Variants in USP46 observed in about 807,000 individuals in gnomAD.
USP46 encodes the protein ubiquitin specific peptidase 46.
In USP46, 12 loss-of-function variants were observed where a neutral mutation model predicts 44.4. The ratio of observed to expected loss-of-function variants is 0.27; its 90% confidence interval spans 0.17 to 0.44. USP46 has a LOEUF of 0.44. Among genes scored for constraint, USP46 ranks in the 20% least tolerant of loss-of-function variants. The pLI, the probability that USP46 is intolerant of heterozygous loss-of-function variation, is 1.00. For missense variants in USP46, 248 were observed against 444.8 expected (o/e 0.56, Z 3.98); for synonymous variants, 155 against 161.5 (o/e 0.96, Z 0.31).
chr4:52,592,875 C>G lies in USP46; in HGVS notation c.*4765G>C, dbSNP rs73248657. ...GAAAGAAAAGTGTGTAACCCCTCCC[C>G]CTTTGCTCTCTTCCTCTTGCTCCTG... On this transcript the variant is annotated 3_prime_UTR_variant, in exon 9 of 9. Transcript: ENST00000441222. 17 of 398,440 alleles carry G rather than the reference C, an allele frequency of 4.3e-5. No homozygotes were observed. In the East Asian group the frequency reaches 4.3e-4, roughly 10 times the overall value. The allele number at this position is 398,440 out of a possible 1,614,324, so 24.7% of individuals were successfully genotyped here.
At chr4:52,635,187 C>T (rs1718065125) in intron 1 of USP46, among the ~76,000 whole-genome samples, 2 of 151,754 alleles carry the variant, frequency 1.3e-5, no homozygotes, top group African/African-American at 4.8e-5. Context: ...AACCTCTAGT[C>T]CTCTACTTTC....
intron 1 of USP46, among the ~76,000 whole-genome samples, chr4:52,640,699 A>C (rs1577691467): frequency 6.6e-6 from 1 of 151,654 alleles, no homozygotes; most frequent in Non-Finnish European, 1.5e-5. Context: ...CCAGCTACTC[A>C]GGAGACTGAG....
intron 1 of USP46, among the ~76,000 whole-genome samples, chr4:52,653,375 G>A (rs538429763): frequency 6.9e-4 from 104 of 151,692 alleles, no homozygotes; most frequent in African/African-American, 2.5e-3. Flanking sequence ...CATGGTAGCA[G>A]GCAACTGTAA....
rs1553891309 is a variant in USP46, at chr4:52,632,990, A to AG, written c.37-1847_37-1846insC. ...AAAGAAAGAAAGAAAGAAAGAAAAG[A>AG]AAAGAAAGAAAGAAAGAAAGAAAGA... On this transcript the variant is annotated intron_variant, in intron 1 of 8. Coordinates refer to ENST00000441222, the MANE Select transcript of USP46 (RefSeq NM_022832.4). Among the ~76,000 whole-genome samples, 70 of 66,294 alleles carry AG rather than the reference A, an allele frequency of 1.1e-3. 2 individuals carry two copies. Among genetic ancestry groups the AG allele is most frequent in the Non-Finnish European group, 1.8e-3 (59 of 33,054 alleles). 43.5% of individuals were successfully genotyped at this position (66,294 alleles called of 152,430 possible).
chr4:52,599,280 G>A (rs1048942899), intron 7 of USP46, among the ~76,000 whole-genome samples: 5 of 152,044 alleles, frequency 3.3e-5, no homozygotes, highest in African/African-American at 4.8e-5. Context: ...GGGTCAGGGC[G>A]TGGAGAGAAG....
intron 6 of USP46, among the ~76,000 whole-genome samples, chr4:52,603,842 GC>G (rs927251089): frequency 2.0e-5 from 3 of 152,044 alleles, no homozygotes; most frequent in African/African-American, 7.2e-5. Flanking sequence ...CTGGCACCAT[GC>G]CCAGCTAATT....
chr4:52,624,615 C>T (rs1164429512), intron 4 of USP46, among the ~76,000 whole-genome samples: 1 of 152,166 alleles, frequency 6.6e-6, no homozygotes, highest in Non-Finnish European at 1.5e-5. Flanking sequence ...TGTAAGTCTA[C>T]ATTTCTTAAA....
chr4:52,629,682 A>G (rs757222382), intron 2 of USP46: 1 of 455,846 alleles, frequency 2.2e-6, no homozygotes, highest in South Asian at 1.5e-5. Flanking sequence ...TCAGTGGACA[A>G]CTCCTGGGAA....
intron 4 of USP46, among the ~76,000 whole-genome samples, chr4:52,611,431 T>G (rs1441623231): frequency 1.3e-5 from 2 of 152,180 alleles, no homozygotes; most frequent in African/African-American, 4.8e-5. Context: ...GTTCCCGGAG[T>G]AGCAGGAACA....
chr4:52,620,694 A>C (rs1353564629), intron 4 of USP46, among the ~76,000 whole-genome samples: 2 of 152,234 alleles, frequency 1.3e-5, no homozygotes, highest in Admixed American at 1.3e-4. Context: ...AAGTGGTATA[A>C]CCATTTTGGG....
intron 4 of USP46, 95 bp downstream of exon 4, chr4:52,625,922 AC>A (rs1717566025): frequency 8.3e-7 from 1 of 1,210,910 alleles, no homozygotes; most frequent in East Asian, 2.5e-5. Context: ...ACTGCAAATA[AC>A]TGCTAAATGC....
At chr4:52,650,145 A>C (rs1212953024) in intron 1 of USP46, among the ~76,000 whole-genome samples, 1 of 152,224 alleles carries the variant, frequency 6.6e-6, no homozygotes, top group Non-Finnish European at 1.5e-5. Flanking sequence ...AGAAGACAGA[A>C]GCAAGAACAT....
At chr4:52,602,725 T>C (rs1716526943) in intron 6 of USP46, among the ~76,000 whole-genome samples, 1 of 152,226 alleles carries the variant, frequency 6.6e-6, no homozygotes, top group Non-Finnish European at 1.5e-5. Context: ...TAAGTAAGTT[T>C]GGATGATGCT....
chr4:52,653,897 T>C (rs964280491), intron 1 of USP46, among the ~76,000 whole-genome samples: 1 of 152,146 alleles, frequency 6.6e-6, no homozygotes, highest in Non-Finnish European at 1.5e-5. Context: ...GAATCAAAAT[T>C]GAAAATGCCT....
intron 2 of USP46, among the ~76,000 whole-genome samples, chr4:52,629,042 T>C (rs1000667233): frequency 5.9e-5 from 9 of 152,226 alleles, no homozygotes; most frequent in African/African-American, 2.2e-4. Flanking sequence ...ACAATAAAAT[T>C]TAAAGAAAAA....
At position 52,597,603 on chromosome 4, in the gene USP46, A is replaced by C; in HGVS notation, c.*37T>G. ...GAAGCCGGGTGACAGTGCTGTGAACATTCTCCCCACGTGAATCAGTCCCGC... is the reference window on the plus strand; with the variant it reads ...GAAGCCGGGTGACAGTGCTGTGAACCTTCTCCCCACGTGAATCAGTCCCGC... On this transcript the variant is annotated 3_prime_UTR_variant, in exon 9 of 9. Transcript: ENST00000441222. The C allele has an allele frequency of 1.4e-6, 2 of 1,442,870 alleles. No individual in the cohort carries two copies. The highest frequency in any genetic ancestry group is 1.9e-6 in the Non-Finnish European group (2 of 1,048,832). The allele number at this position is 1,442,870 out of a possible 1,614,324, so 89.4% of individuals were successfully genotyped here. A position where few individuals can be genotyped will look rare whatever the true frequency, so the allele number is the denominator to read the frequency against.
chr4:52,634,414 C>G (rs1216242193), intron 1 of USP46, among the ~76,000 whole-genome samples: 5 of 146,228 alleles, frequency 3.4e-5, no homozygotes, highest in African/African-American at 1.0e-4. Flanking sequence ...GAGGCTGAGG[C>G]AGGAGAATCA....
At chr4:52,643,388 T>C (rs1718423370) in intron 1 of USP46, among the ~76,000 whole-genome samples, 1 of 152,212 alleles carries the variant, frequency 6.6e-6, no homozygotes, top group Admixed American at 6.5e-5. Flanking sequence ...CCAATTGTTG[T>C]CATAAATAAA....
intron 1 of USP46, among the ~76,000 whole-genome samples, chr4:52,657,040 CAAAAAAAAAA>C (rs959028429): frequency 6.8e-5 from 2 of 29,258 alleles, no homozygotes; most frequent in Non-Finnish European, 1.4e-4. Flanking sequence ...GAGACCTTGT[CAAAAAAAAAA>C]AAAAAAAAAA....
Sources: gnomAD v4.1 joint callset for allele counts (sites outside exome capture counted in the v4.1 genomes callset) on GRCh38, gnomAD v4.1.1 for gene constraint, MANE v1.5 for transcripts, NCBI Gene and HGNC (gene_info 2026-07-23, HGNC 2026-07-21) for gene names.